The following SGCZ variants were observed in gnomAD, a reference collection of about 807,000 sequenced individuals.
SGCZ encodes sarcoglycan zeta.
Under a neutral mutation model 41.3 loss-of-function variants are expected in SGCZ, and 40 were observed. The observed-to-expected ratio is 0.97, with a 90% CI of 0.75 to 1.26. SGCZ has a LOEUF of 1.26. Among genes scored for constraint, SGCZ ranks in the 50% most tolerant of loss-of-function variants. The pLI is 0.00. For missense variants in SGCZ, 552 were observed against 369.8 expected, an observed-to-expected ratio of 1.49 and a Z score of -4.04; for synonymous variants, 206 against 137.5, an observed-to-expected ratio of 1.50 and a Z score of -3.49.
At chr8:15,015,255 T>C (rs553038876) in intron 1 of SGCZ, among the ~76,000 whole-genome samples, 84 of 147,864 alleles carry the variant, frequency 5.7e-4, no homozygotes, top group African/African-American at 2.1e-3. Context: ...AAAAAAAAAA[T>C]TCTGAAGAAG....
At chr8:14,226,521 C>A (rs1258916965) in intron 4 of SGCZ, among the ~76,000 whole-genome samples, 1 of 152,040 alleles carries the variant, frequency 6.6e-6, no homozygotes. Context: ...TTTTACCTAA[C>A]ATAATGTCAA....
chr8:14,592,729 C>T (rs1350712432), intron 1 of SGCZ, among the ~76,000 whole-genome samples: 1 of 152,182 alleles, frequency 6.6e-6, no homozygotes, highest in East Asian at 1.9e-4. Flanking sequence ...GTGACATTAA[C>T]ATCTAACTAA....
intron 1 of SGCZ, among the ~76,000 whole-genome samples, chr8:15,083,181 A>G (rs1805818052): frequency 1.3e-5 from 2 of 152,214 alleles, no homozygotes; most frequent in Admixed American, 1.3e-4. Context: ...AAACTAAGAG[A>G]CCTACAGATT....
At chr8:15,050,469 T>A (rs1451252546) in intron 1 of SGCZ, among the ~76,000 whole-genome samples, 1 of 152,188 alleles carries the variant, frequency 6.6e-6, no homozygotes, top group Non-Finnish European at 1.5e-5. Context: ...TTGGTACATG[T>A]ACATTCTGGA....
At chr8:14,954,194 A>T (rs1419946601) in intron 1 of SGCZ, among the ~76,000 whole-genome samples, 1 of 152,170 alleles carries the variant, frequency 6.6e-6, no homozygotes, top group Non-Finnish European at 1.5e-5. Context: ...AAGATTCCTT[A>T]ATTTATTTAT....
chr8:14,462,377 T>C (rs558809528), intron 2 of SGCZ, among the ~76,000 whole-genome samples: 47 of 152,164 alleles, frequency 3.1e-4, no homozygotes, highest in African/African-American at 1.1e-3. Flanking sequence ...TCTTAAATAT[T>C]TTTAACCATA....
intron 2 of SGCZ, among the ~76,000 whole-genome samples, chr8:14,423,416 A>G (rs1799689468): frequency 6.6e-6 from 1 of 152,074 alleles, no homozygotes; most frequent in Non-Finnish European, 1.5e-5. Flanking sequence ...CTATAATGAT[A>G]ATAATTATTA....
intron 1 of SGCZ, among the ~76,000 whole-genome samples, chr8:15,121,072 C>T (rs1056920520): frequency 6.6e-6 from 1 of 152,130 alleles, no homozygotes; most frequent in Non-Finnish European, 1.5e-5. Context: ...TTTTTCTTTG[C>T]GTTGCCACAA....
At chr8:14,674,928 G>GGT (rs1554478141) in intron 1 of SGCZ, among the ~76,000 whole-genome samples, 2 of 70,998 alleles carry the variant, frequency 2.8e-5, no homozygotes, top group African/African-American at 5.1e-5. Context: ...TTTCTTTTCT[G>GGT]TTTTTTTTTT....
chr8:14,811,557 C>T (rs1480733620), intron 1 of SGCZ, among the ~76,000 whole-genome samples: 2 of 113,326 alleles, frequency 1.8e-5, no homozygotes, highest in East Asian at 6.0e-4. Flanking sequence ...CGGAATCACA[C>T]TCCACTCCTT....
At chr8:14,940,394 A>G (rs192218910) in intron 1 of SGCZ, among the ~76,000 whole-genome samples, 8 of 152,300 alleles carry the variant, frequency 5.3e-5, no homozygotes, top group African/African-American at 1.2e-4. Context: ...ACTTACTTAT[A>G]TAAGTTTATT....
At chr8:14,479,931 G>T (rs996382516) in intron 2 of SGCZ, among the ~76,000 whole-genome samples, 2 of 151,730 alleles carry the variant, frequency 1.3e-5, no homozygotes, top group African/African-American at 4.8e-5. Context: ...TTTTAGTAAA[G>T]ATAGAGTTTC....
At chr8:14,469,287 T>G (rs1801142682) in intron 2 of SGCZ, among the ~76,000 whole-genome samples, 1 of 151,990 alleles carries the variant, frequency 6.6e-6, no homozygotes, top group Non-Finnish European at 1.5e-5. Flanking sequence ...TTGTGAAGGG[T>G]TTTTGCATTT....
Position 15,140,933 on chromosome 8 carries a change from C to T in SGCZ, c.39+96652G>A, listed in dbSNP as rs115666599. Among the ~76,000 whole-genome samples the T allele has an allele frequency of 4.0e-3, 613 of 152,222 alleles. 6 individuals are homozygous for T. The highest frequency in any genetic ancestry group is 0.014 in the African/African-American group (585 of 41,540). On this transcript the variant is annotated intron_variant, in intron 1 of 7. Coordinates refer to ENST00000382080, the MANE Select transcript of SGCZ (RefSeq NM_139167.4). ...GTATACTTGCAGTAATGATGACCAC[C>T]GTACATTTAATGAGGAACTATTATA...
At chr8:14,370,294 T>C (rs1485793365) in intron 2 of SGCZ, among the ~76,000 whole-genome samples, 1 of 152,044 alleles carries the variant, frequency 6.6e-6, no homozygotes, top group Admixed American at 6.6e-5. Context: ...TAGGAAATTG[T>C]TGGCTTGGTC....
chr8:14,381,779 C>A (rs1465926805), intron 2 of SGCZ, among the ~76,000 whole-genome samples: 1 of 151,230 alleles, frequency 6.6e-6, no homozygotes, highest in African/African-American at 2.4e-5. Context: ...AAGCAAGACC[C>A]TGTCTCAAAA....
intron 3 of SGCZ, among the ~76,000 whole-genome samples, chr8:14,264,894 C>A (rs1486976525): frequency 6.6e-6 from 1 of 152,024 alleles, no homozygotes; most frequent in East Asian, 1.9e-4. Context: ...ACCCGGGAGG[C>A]GGAGCTTGCA....
intron 1 of SGCZ, among the ~76,000 whole-genome samples, chr8:14,640,856 T>C (rs566613830): frequency 4.0e-4 from 60 of 151,802 alleles, no homozygotes; most frequent in African/African-American, 1.4e-3. Context: ...ACTCTGGGTA[T>C]GAGACACTAA....
intron 1 of SGCZ, among the ~76,000 whole-genome samples, chr8:15,095,254 A>C (rs368214305): frequency 2.4e-4 from 36 of 152,028 alleles, no homozygotes; most frequent in African/African-American, 8.7e-4. Flanking sequence ...ATGTGCCATC[A>C]CCCCTAGCTA....
Sources: allele counts gnomAD v4.1 joint callset (sites outside exome capture counted in the v4.1 genomes callset), GRCh38; gene constraint gnomAD v4.1.1; transcripts MANE v1.5; gene names NCBI Gene and HGNC (gene_info 2026-07-23, HGNC 2026-07-21).